GAB1: variants seen among roughly 807,000 people sequenced by gnomAD.
GAB1 encodes GRB2 associated binding protein 1.
GAB1 carries 19 observed loss-of-function variants against 66.5 expected under a neutral mutation model. That is an observed-to-expected ratio of 0.29 (90% CI 0.20 to 0.42). The LOEUF is 0.42. Ranked by LOEUF, GAB1 falls within the 10% of genes least tolerant of loss-of-function variation. GAB1 has a pLI of 1.00. For synonymous variants in GAB1, 294 were observed against 301.4 expected (o/e 0.98, Z 0.25); for missense variants, 732 against 858.5 (o/e 0.85, Z 1.84).
chr4:143,458,417 A>G (rs1308436879), intron 6 of GAB1, among the ~76,000 whole-genome samples: 1 of 152,092 alleles, frequency 6.6e-6, no homozygotes, highest in African/African-American at 2.4e-5. Flanking sequence ...ACTATGCCAT[A>G]ACATACATGG....
At chr4:143,368,563 A>T (rs1374240717) in intron 1 of GAB1, among the ~76,000 whole-genome samples, 1 of 152,222 alleles carries the variant, frequency 6.6e-6, no homozygotes, top group East Asian at 1.9e-4. Flanking sequence ...TTTAATTGTA[A>T]TATACAAGTA....
At chr4:143,407,749 A>G (rs1007200542) in intron 1 of GAB1, among the ~76,000 whole-genome samples, 3 of 152,150 alleles carry the variant, frequency 2.0e-5, no homozygotes, top group African/African-American at 4.8e-5. Context: ...ATTTTGCTCT[A>G]TGAGAAAAGA....
chr4:143,372,146 G>T (rs1730151567), intron 1 of GAB1, among the ~76,000 whole-genome samples: 1 of 151,664 alleles, frequency 6.6e-6, no homozygotes. Flanking sequence ...CCAACATGGT[G>T]AAACCCCATC....
In GAB1 at chr4:143,440,357, T is replaced by C. The variant is rs965182790; in HGVS notation, c.1560T>C (p.Asp520=). The change falls in exon 6 of 10, where the codon GAT becomes GAC. Residue 520 remains aspartate, a synonymous_variant. Transcript: ENST00000262994. ...CAGACTGTGAACCACCCCCCGTGGA[T>C]AGGAACCTCAAGCCAGACAGAAAAG... is the stretch of plus-strand genomic sequence containing the variant. ...PVADCEPPPV[D]RNLKPDRKVK... The C allele has an allele frequency of 4.3e-6, 7 of 1,612,654 alleles. No individual in the cohort carries two copies. The highest frequency in any genetic ancestry group is 3.3e-5 in the Admixed American group (2 of 59,838).
At chr4:143,359,752 C>T (rs1290268308) in intron 1 of GAB1, among the ~76,000 whole-genome samples, 2 of 152,220 alleles carry the variant, frequency 1.3e-5, no homozygotes, top group Admixed American at 6.5e-5. Context: ...TCCTTCCCTA[C>T]TGGGTCTCTC....
At chr4:143,468,091 G>C (rs1301485895) in intron 9 of GAB1, among the ~76,000 whole-genome samples, 1 of 151,960 alleles carries the variant, frequency 6.6e-6, no homozygotes, top group Non-Finnish European at 1.5e-5. Context: ...CAGAGGTTGA[G>C]AGACAGTCAA....
At chr4:143,396,046 G>A (rs937894233) in intron 1 of GAB1, 2 of 453,398 alleles carry the variant, frequency 4.4e-6, no homozygotes, top group African/African-American at 2.0e-5. Context: ...GGGACAACAG[G>A]AAGTGTAATG....
intron 1 of GAB1, among the ~76,000 whole-genome samples, chr4:143,351,417 C>T (rs912104340): frequency 3.9e-5 from 6 of 152,186 alleles, no homozygotes; most frequent in African/African-American, 1.4e-4. Flanking sequence ...AGCTTGCCTG[C>T]GGGTGCTCTT....
At chr4:143,341,211 G>A (rs1341349450) in intron 1 of GAB1, among the ~76,000 whole-genome samples, 1 of 152,040 alleles carries the variant, frequency 6.6e-6, no homozygotes, top group Non-Finnish European at 1.5e-5. Flanking sequence ...TTTTTACTTT[G>A]TTAAGGACCT....
chr4:143,458,469 A>T (rs1735315495), intron 6 of GAB1, among the ~76,000 whole-genome samples: 1 of 152,054 alleles, frequency 6.6e-6, no homozygotes. Flanking sequence ...ATTTTTTGTT[A>T]AGAGTGGCAG....
intron 1 of GAB1, among the ~76,000 whole-genome samples, chr4:143,364,044 C>T (rs916942106): frequency 1.4e-4 from 22 of 151,930 alleles, no homozygotes; most frequent in Admixed American, 5.9e-4. Context: ...AAAAATTAGC[C>T]GGGCATGGTG....
intron 1 of GAB1, among the ~76,000 whole-genome samples, chr4:143,351,392 G>A (rs1351827028): frequency 1.3e-5 from 2 of 152,144 alleles, no homozygotes; most frequent in South Asian, 4.1e-4. Flanking sequence ...CGAGTTGTTC[G>A]GCCAGTCGAT....
At chr4:143,382,525 A>G (rs1272449365) in intron 1 of GAB1, among the ~76,000 whole-genome samples, 1 of 152,168 alleles carries the variant, frequency 6.6e-6, no homozygotes, top group African/African-American at 2.4e-5. Context: ...TTTATCAGAC[A>G]TTTTCCTGAA....
At chr4:143,375,728 A>C (rs1474524576) in intron 1 of GAB1, among the ~76,000 whole-genome samples, 1 of 152,214 alleles carries the variant, frequency 6.6e-6, no homozygotes, top group Non-Finnish European at 1.5e-5. Flanking sequence ...TTGTTACTCT[A>C]CAGTGGGACT....
At chr4:143,362,260 A>G (rs1255691372) in intron 1 of GAB1, among the ~76,000 whole-genome samples, 1 of 152,182 alleles carries the variant, frequency 6.6e-6, no homozygotes, top group African/African-American at 2.4e-5. Flanking sequence ...AACAGAACCC[A>G]TAGTTTCTCA....
At chr4:143,341,316 G>T (rs984339223) in intron 1 of GAB1, among the ~76,000 whole-genome samples, 1 of 152,194 alleles carries the variant, frequency 6.6e-6, no homozygotes, top group Non-Finnish European at 1.5e-5. Context: ...GATTTTTAAA[G>T]AATTATTTAA....
chr4:143,445,431 A>G (rs1216531556), intron 6 of GAB1, among the ~76,000 whole-genome samples: 1 of 151,956 alleles, frequency 6.6e-6, no homozygotes, highest in Admixed American at 6.6e-5. Context: ...CCATTTTTTA[A>G]TGGGGTTACT....
chr4:143,400,111 T>A (rs1026522397), intron 1 of GAB1, among the ~76,000 whole-genome samples: 1 of 152,032 alleles, frequency 6.6e-6, no homozygotes, highest in Admixed American at 6.6e-5. Context: ...TGGCTCATTG[T>A]TTTGTATTTT....
rs1735428638 is a variant in GAB1, at chr4:143,460,406, T to C, written c.1722T>C (p.His574=). The C allele has an allele frequency of 6.2e-7, 1 of 1,613,474 alleles. No homozygotes were observed. The highest frequency in any genetic ancestry group is 1.3e-5 in the African/African-American group (1 of 74,888). The part of the protein sequence containing the change: ...FPMSPRPDSV[H]STTSSSDSHD... ...TGTCCCCCCGACCAGATTCAGTGCA[T>C]AGCACAACTTCAAGCAGTGACTCAC... is the stretch of plus-strand genomic sequence containing the variant. The change falls in exon 8 of 10, where the codon CAT becomes CAC. Residue 574 remains histidine, a synonymous_variant. Coordinates refer to ENST00000262994, the MANE Select transcript of GAB1 (RefSeq NM_002039.4).
Sources: allele counts gnomAD v4.1 joint callset (sites outside exome capture counted in the v4.1 genomes callset), GRCh38; gene constraint gnomAD v4.1.1; transcripts MANE v1.5; gene names NCBI Gene and HGNC (gene_info 2026-07-23, HGNC 2026-07-21).